NBAS: variants seen among roughly 807,000 people sequenced by gnomAD.
The protein encoded by NBAS is NBAS subunit of NRZ tethering complex.
NBAS carries 219 observed loss-of-function variants against 302.5 expected under a neutral mutation model. That is an observed-to-expected ratio of 0.72 (90% CI 0.65 to 0.81). The LOEUF is 0.81. NBAS is among the 30% of genes least tolerant of loss of function. The pLI is 0.00. For synonymous variants in NBAS, 1,118 were observed against 1,021.6 expected, an observed-to-expected ratio of 1.09 and a Z score of -1.80; for missense variants, 2,932 against 2,841.6, an observed-to-expected ratio of 1.03 and a Z score of -0.72.
chr2:15,203,912 G>GTGTA (rs1558434523), intron 48 of NBAS, among the ~76,000 whole-genome samples: 1 of 151,206 alleles, frequency 6.6e-6, no homozygotes, highest in East Asian at 1.9e-4. Flanking sequence ...GTGTGTGTGT[G>GTGTA]TGTGTGTGTG....
At chr2:15,018,201 G>A in the NBAS span, among the ~76,000 whole-genome samples, 9 of 151,940 alleles carry the variant, frequency 5.9e-5, no homozygotes, top group African/African-American at 2.2e-4. Context: ...CAGCTAGGAA[G>A]GAGAAATAAG....
intron 21 of NBAS, among the ~76,000 whole-genome samples, chr2:15,448,877 T>G (rs1678875463): frequency 6.6e-6 from 1 of 152,204 alleles, no homozygotes; most frequent in African/African-American, 2.4e-5. Flanking sequence ...CAGACAAGTT[T>G]TACATACTAA....
the NBAS span, among the ~76,000 whole-genome samples, chr2:14,971,487 C>G: frequency 6.6e-6 from 1 of 152,084 alleles, no homozygotes; most frequent in Non-Finnish European, 1.5e-5. Flanking sequence ...TGCACTCCAG[C>G]CTGGGCGACA....
At chr2:15,363,908 A>G (rs1674062771) in intron 32 of NBAS, among the ~76,000 whole-genome samples, 1 of 152,224 alleles carries the variant, frequency 6.6e-6, no homozygotes, top group Non-Finnish European at 1.5e-5. Context: ...ATATCATAAA[A>G]GGCATTACAG....
intron 21 of NBAS, among the ~76,000 whole-genome samples, chr2:15,439,428 G>C (rs961343780): frequency 6.6e-6 from 1 of 151,764 alleles, no homozygotes; most frequent in Non-Finnish European, 1.5e-5. Context: ...CAAAGTTCTT[G>C]AGTAATTTAA....
the NBAS span, among the ~76,000 whole-genome samples, chr2:14,846,204 A>T: frequency 6.6e-6 from 1 of 152,198 alleles, no homozygotes; most frequent in Non-Finnish European, 1.5e-5. Flanking sequence ...TATGTCTGCC[A>T]GCCATTTTTT....
At chr2:14,853,635 C>A in the NBAS span, among the ~76,000 whole-genome samples, 19 of 90,070 alleles carry the variant, frequency 2.1e-4, 5 homozygotes, top group Non-Finnish European at 2.8e-4. Flanking sequence ...ATGTTTATTG[C>A]GGCATTATTC....
downstream of NBAS, among the ~76,000 whole-genome samples, chr2:15,165,377 G>A (rs547879713): frequency 3.3e-5 from 5 of 152,218 alleles, no homozygotes; most frequent in East Asian, 7.7e-4. Context: ...AAGTATGCTA[G>A]AGGCTTGTGC....
the NBAS span, among the ~76,000 whole-genome samples, chr2:15,159,736 A>C: frequency 0.24 from 36,659 of 151,848 alleles, 4,605 homozygotes; most frequent in East Asian, 0.34. Context: ...ACTGTACAGT[A>C]AGAAAGGGTT....
intron 48 of NBAS, among the ~76,000 whole-genome samples, chr2:15,200,745 T>C (rs367923323): frequency 3.9e-5 from 6 of 152,356 alleles, no homozygotes; most frequent in South Asian, 2.1e-4. Context: ...ATTTGTCATA[T>C]AGCTGCAGCC....
the NBAS span, among the ~76,000 whole-genome samples, chr2:15,030,841 T>A: frequency 2.6e-5 from 4 of 152,164 alleles, no homozygotes; most frequent in East Asian, 7.7e-4. Flanking sequence ...TATCACCCCC[T>A]CTCCTCCCAG....
At chr2:15,432,203 T>C (rs1333100173) in intron 21 of NBAS, among the ~76,000 whole-genome samples, 2 of 151,944 alleles carry the variant, frequency 1.3e-5, no homozygotes, top group Admixed American at 1.3e-4. Flanking sequence ...CATTTACATA[T>C]ACTTTATTTC....
Position 15,353,727 on chromosome 2 carries a change from G to GA in NBAS, c.3932-18dup, listed in dbSNP as rs752955814. ...TAGGATAACCTGCAAAATTGGCAAG[G>GA]AAAAAAATGATTCCCAAAAGAAGAA... On this transcript the variant is annotated splice_polypyrimidine_tract_variant and intron_variant, in intron 33 of 51. Transcript: ENST00000281513. The GA allele has an allele frequency of 4.3e-6, 7 of 1,611,350 alleles. No homozygotes were observed. Among genetic ancestry groups the GA allele is most frequent in the Non-Finnish European group, 3.4e-6 (4 of 1,178,770 alleles).
chr2:15,368,338 T>C (rs1426441257), intron 31 of NBAS, among the ~76,000 whole-genome samples: 1 of 151,860 alleles, frequency 6.6e-6, no homozygotes, highest in Non-Finnish European at 1.5e-5. Context: ...TAGCTGGGAC[T>C]ACAGGCACGT....
chr2:15,453,850 C>T (rs1330479531), intron 21 of NBAS, among the ~76,000 whole-genome samples: 2 of 151,976 alleles, frequency 1.3e-5, no homozygotes, highest in Admixed American at 1.3e-4. Context: ...GCAATCTTGG[C>T]TCACTGCAAC....
At chr2:14,820,704 C>T in the NBAS span, among the ~76,000 whole-genome samples, 13 of 152,132 alleles carry the variant, frequency 8.5e-5, no homozygotes, top group Non-Finnish European at 1.5e-4. Flanking sequence ...CATTCAGGAA[C>T]TTTCAAGAAG....
chr2:15,106,480 A>G, the NBAS span, among the ~76,000 whole-genome samples: 1 of 93,352 alleles, frequency 1.1e-5, no homozygotes, highest in Non-Finnish European at 2.2e-5. Flanking sequence ...TCTCTCTCTC[A>G]CTCTCCAGTC....
At position 15,389,771 on chromosome 2, in the gene NBAS, T is replaced by C. The variant is rs1218674670; in HGVS notation, c.3257+4456A>G. Among the ~76,000 whole-genome samples the C allele has an allele frequency of 5.2e-5, 8 of 152,384 alleles. No homozygotes were observed. In the East Asian group the frequency reaches 1.5e-3, roughly 29 times the overall value. On this transcript the variant is annotated intron_variant, in intron 28 of 51. Coordinates refer to ENST00000281513, the MANE Select transcript of NBAS (RefSeq NM_015909.4). Reference sequence around the variant, plus strand: ...TAAAAACAAGTCTTTTTTGTTGTTGTTGTTTGAGACAAGGTCTCACTCTGT... The same window carrying C: ...TAAAAACAAGTCTTTTTTGTTGTTGCTGTTTGAGACAAGGTCTCACTCTGT...
At chr2:15,142,120 G>A in the NBAS span, among the ~76,000 whole-genome samples, 2 of 152,190 alleles carry the variant, frequency 1.3e-5, no homozygotes, top group East Asian at 1.9e-4. Context: ...ACTTCAGAAC[G>A]ATGATATTCA....
Sources: gnomAD v4.1 joint callset for allele counts (sites outside exome capture counted in the v4.1 genomes callset) on GRCh38, gnomAD v4.1.1 for gene constraint, MANE v1.5 for transcripts, NCBI Gene and HGNC (gene_info 2026-07-23, HGNC 2026-07-21) for gene names.